WDR72: variants seen among roughly 807,000 people sequenced by gnomAD.
WDR72 encodes the protein WD repeat-containing protein 72.
WDR72 carries 120 observed loss-of-function variants against 124.2 expected under a neutral mutation model. That is an observed-to-expected ratio of 0.97 (90% CI 0.83 to 1.12). The LOEUF is 1.12. WDR72 is among the 50% of genes most tolerant of loss of function. WDR72 has a pLI of 0.00. For synonymous variants in WDR72, 452 were observed against 441.7 expected, an observed-to-expected ratio of 1.02 and a Z score of -0.29; for missense variants, 1,387 against 1,278.8, an observed-to-expected ratio of 1.08 and a Z score of -1.29.
At chr15:53,643,664 T>C (rs2014935930) in intron 14 of WDR72, among the ~76,000 whole-genome samples, 2 of 152,036 alleles carry the variant, frequency 1.3e-5, no homozygotes, top group South Asian at 4.1e-4. Flanking sequence ...CTCACACACC[T>C]AGGGCTAGTC....
chr15:53,572,956 G>A (rs1348444066), intron 18 of WDR72, among the ~76,000 whole-genome samples: 1 of 152,162 alleles, frequency 6.6e-6, no homozygotes, highest in Non-Finnish European at 1.5e-5. Context: ...ACAAAATCAA[G>A]GGAAGCAGTA....
Position 53,514,048 on chromosome 15 carries a change from T to C in WDR72, c.*3651A>G, listed in dbSNP as rs1053026038. On this transcript the variant is annotated 3_prime_UTR_variant, in exon 20 of 20. Transcript: ENST00000360509. ...ACAGTGCGAGGTGATCTGGGGACTATTGTACATGAAGCCATGCAGCTTTGT... is the reference window on the plus strand; with the variant it reads ...ACAGTGCGAGGTGATCTGGGGACTACTGTACATGAAGCCATGCAGCTTTGT... 1.3e-5 allele frequency: 2 copies of C among 152,208 alleles called. No individual in the cohort carries two copies. The highest frequency in any genetic ancestry group is 2.9e-5 in the Non-Finnish European group (2 of 68,040). The allele number at this position is 152,208 out of a possible 1,614,324, so 9.4% of individuals were successfully genotyped here.
chr15:53,627,138 C>T (rs1026230227), intron 14 of WDR72, among the ~76,000 whole-genome samples: 7 of 152,154 alleles, frequency 4.6e-5, no homozygotes, highest in African/African-American at 1.2e-4. Context: ...AATAGCCCAA[C>T]CAAGATTCCC....
chr15:53,711,483 T>A lies in WDR72; in HGVS notation c.712-2A>T. 1 of 1,614,028 alleles carries A rather than the reference T, an allele frequency of 6.2e-7. No individual in the cohort carries two copies. Among genetic ancestry groups the A allele is most frequent in the African/African-American group, 1.3e-5 (1 of 75,012 alleles). Reference sequence around the variant, plus strand: ...GGAAAAATCACAATAATCATAAACCTAAAATATGAAGTTGATGCACATTAT... The same window carrying A: ...GGAAAAATCACAATAATCATAAACCAAAAATATGAAGTTGATGCACATTAT... On this transcript the variant is annotated splice_acceptor_variant, in intron 7 of 19. Transcript: ENST00000360509. LOFTEE classifies it high-confidence loss of function.
chr15:53,681,139 G>A (rs184767977), intron 13 of WDR72, among the ~76,000 whole-genome samples: 1 of 152,304 alleles, frequency 6.6e-6, no homozygotes, highest in East Asian at 1.9e-4. Flanking sequence ...AGTGCATCCA[G>A]TATCCTTTAT....
chr15:53,625,171 TAA>T (rs1476862297), intron 14 of WDR72, among the ~76,000 whole-genome samples: 1 of 152,220 alleles, frequency 6.6e-6, no homozygotes, highest in African/African-American at 2.4e-5. Flanking sequence ...CTGCAATTTT[TAA>T]AAGTCTAGAA....
At chr15:53,555,852 C>T (rs1035913463) in intron 18 of WDR72, among the ~76,000 whole-genome samples, 5 of 152,016 alleles carry the variant, frequency 3.3e-5, no homozygotes, top group Non-Finnish European at 7.4e-5. Context: ...TATAGCACTC[C>T]TTCAGAAGAA....
intron 12 of WDR72, among the ~76,000 whole-genome samples, chr15:53,700,896 C>T (rs959075215): frequency 5.3e-5 from 8 of 152,168 alleles, no homozygotes; most frequent in African/African-American, 1.9e-4. Context: ...GCTTCTAGAA[C>T]AGGCAGCCCA....
intron 18 of WDR72, among the ~76,000 whole-genome samples, chr15:53,562,229 T>C (rs1263983747): frequency 1.3e-5 from 2 of 151,706 alleles, no homozygotes; most frequent in African/African-American, 4.8e-5. Flanking sequence ...GACTACAGAG[T>C]TTACATTCTT....
At chr15:53,670,010 A>C (rs996330293) in intron 13 of WDR72, among the ~76,000 whole-genome samples, 2 of 152,204 alleles carry the variant, frequency 1.3e-5, no homozygotes, top group African/African-American at 4.8e-5. Flanking sequence ...CATGACAAGG[A>C]AAGGTGCAGA....
chr15:53,577,390 G>C (rs190150058), intron 18 of WDR72, among the ~76,000 whole-genome samples: 46 of 152,070 alleles, frequency 3.0e-4, no homozygotes, highest in African/African-American at 1.1e-3. Context: ...ATAATGTCTT[G>C]GACCCCATTA....
At chr15:53,608,451 G>T (rs994469706) in intron 17 of WDR72, among the ~76,000 whole-genome samples, 1 of 147,116 alleles carries the variant, frequency 6.8e-6, no homozygotes, top group African/African-American at 2.4e-5. Context: ...TCACTTATGT[G>T]TGGAATCTCG....
chr15:53,632,366 G>A (rs189740607), intron 14 of WDR72, among the ~76,000 whole-genome samples: 5 of 152,210 alleles, frequency 3.3e-5, no homozygotes, highest in Admixed American at 3.3e-4. Flanking sequence ...TGAGGCTTAG[G>A]AGCCTCTGCC....
In WDR72 at chr15:53,732,957, G is replaced by A. The variant is rs1595880538; in HGVS notation, c.153+40C>T. The A allele has an allele frequency of 1.9e-6, 3 of 1,613,126 alleles. No homozygotes were observed. The East Asian group carries it at 6.7e-5, about 36-fold the overall frequency. Reference sequence around the variant, plus strand: ...AGAAAATGCAAGTTGTCCGTATTTTGTGAGTGGTGTCTGTTTCAATATCAG... The same window carrying A: ...AGAAAATGCAAGTTGTCCGTATTTTATGAGTGGTGTCTGTTTCAATATCAG... On this transcript the variant is annotated intron_variant, in intron 2 of 19. Transcript: ENST00000360509.
intron 2 of WDR72, among the ~76,000 whole-genome samples, chr15:53,724,732 CA>C (rs1294801484): frequency 6.6e-6 from 1 of 152,200 alleles, no homozygotes; most frequent in Non-Finnish European, 1.5e-5. Context: ...AGAGCCAAAA[CA>C]TATCATTTGC....
rs112687154 is a variant in WDR72, at chr15:53,695,146, T to C, written c.1765+4604A>G. The stretch of plus-strand genomic sequence containing the variant: ...TTATTTTTAAGCAAACAAGGTTTCA[T>C]TGTCCCACACAAAAAAGTGCAATTA... On this transcript the variant is annotated intron_variant, in intron 13 of 19. Transcript: ENST00000360509. Among the ~76,000 whole-genome samples, 866 of 152,328 alleles carry C rather than the reference T, an allele frequency of 5.7e-3. 7 individuals are homozygous for C. Among genetic ancestry groups the C allele is most frequent in the African/African-American group, 0.02 (822 of 41,582 alleles).
At chr15:53,625,151 A>C (rs1014253919) in intron 14 of WDR72, among the ~76,000 whole-genome samples, 1 of 152,246 alleles carries the variant, frequency 6.6e-6, no homozygotes, top group African/African-American at 2.4e-5. Context: ...GGAAACATTC[A>C]TTAATCTGAC....
At chr15:53,704,171 T>C (rs1440533541) in intron 11 of WDR72, among the ~76,000 whole-genome samples, 1 of 152,186 alleles carries the variant, frequency 6.6e-6, no homozygotes, top group Non-Finnish European at 1.5e-5. Flanking sequence ...TTCTGCATTG[T>C]CCATAGTAGC....
chr15:53,753,835 C>G (rs1232218278), intron 1 of WDR72, among the ~76,000 whole-genome samples: 1 of 152,136 alleles, frequency 6.6e-6, no homozygotes, highest in Non-Finnish European at 1.5e-5. Context: ...TGCATTTTCT[C>G]AAGTAATCCA....
Sources: gnomAD v4.1 joint callset for allele counts (sites outside exome capture counted in the v4.1 genomes callset) on GRCh38, gnomAD v4.1.1 for gene constraint, MANE v1.5 for transcripts, NCBI Gene and HGNC (gene_info 2026-07-23, HGNC 2026-07-21) for gene names.